The following KCNH1 variants were observed in gnomAD, a reference collection of about 807,000 sequenced individuals.
KCNH1 encodes potassium voltage-gated channel subfamily H member 1.
In KCNH1, 27 loss-of-function variants were observed where a neutral mutation model predicts 69.2. That is an observed-to-expected ratio of 0.39 (90% CI 0.29 to 0.54). The LOEUF (loss-of-function observed/expected upper bound fraction) is 0.54. KCNH1 is among the 20% of genes least tolerant of loss of function. The probability of loss-of-function intolerance (pLI) is 0.68; values close to 1 mark genes in which losing one functional copy is unlikely to be tolerated. For synonymous variants in KCNH1, 456 were observed against 487.7 expected, an observed-to-expected ratio of 0.93 and a Z score of 0.86; for missense variants, 798 against 1,261.6, an observed-to-expected ratio of 0.63 and a Z score of 5.57.
At chr1:210,753,998 C>CCGCTATCTTGGCTCACTGCAAGCT (rs1558455563) in intron 10 of KCNH1, among the ~76,000 whole-genome samples, 1 of 151,364 alleles carries the variant, frequency 6.6e-6, no homozygotes. Context: ...CACTGCAAGC[C>CCGCTATCTTGGCTCACTGCAAGCT]CCGCCTCCTG....
At chr1:211,045,047 T>TATATATATATATATATATATTC (rs1553374048) in intron 5 of KCNH1, among the ~76,000 whole-genome samples, 4 of 128,150 alleles carry the variant, frequency 3.1e-5, no homozygotes, top group Non-Finnish European at 1.7e-5. Flanking sequence ...GGGGGATATA[T>TATATATATATATATATATATTC]ATATATATAT....
At chr1:211,060,740 A>T (rs1481055094) in intron 5 of KCNH1, among the ~76,000 whole-genome samples, 1 of 152,154 alleles carries the variant, frequency 6.6e-6, no homozygotes, top group Non-Finnish European at 1.5e-5. Context: ...AGACATATAC[A>T]ACCTACCAAG....
chr1:211,104,197 A>G (rs1691313667), intron 2 of KCNH1, among the ~76,000 whole-genome samples: 1 of 150,020 alleles, frequency 6.7e-6, no homozygotes, highest in East Asian at 1.9e-4. Flanking sequence ...AGACCACGGC[A>G]TTATAAGCCA....
At chr1:211,106,738 T>C (rs1364960164) in intron 2 of KCNH1, among the ~76,000 whole-genome samples, 1 of 150,372 alleles carries the variant, frequency 6.7e-6, no homozygotes, top group Non-Finnish European at 1.5e-5. Flanking sequence ...GAGGCTGCAG[T>C]GAGCCAAGAT....
chr1:210,766,329 C>T (rs1434805201), intron 10 of KCNH1, among the ~76,000 whole-genome samples: 3 of 152,146 alleles, frequency 2.0e-5, no homozygotes, highest in Non-Finnish European at 4.4e-5. Flanking sequence ...AGTTTGAGAC[C>T]GGCCTGGCCA....
At chr1:210,809,021 T>A (rs976974325) in intron 7 of KCNH1, among the ~76,000 whole-genome samples, 39 of 152,154 alleles carry the variant, frequency 2.6e-4, no homozygotes, top group African/African-American at 9.4e-4. Flanking sequence ...CAAGGCAAAA[T>A]GCTGATTTGG....
intron 10 of KCNH1, among the ~76,000 whole-genome samples, chr1:210,712,900 T>G (rs1682113392): frequency 6.6e-6 from 1 of 152,156 alleles, no homozygotes; most frequent in Non-Finnish European, 1.5e-5. Context: ...ACAGTTGCCT[T>G]TCCCCACCCC....
intron 6 of KCNH1, among the ~76,000 whole-genome samples, chr1:211,010,033 G>A (rs1689364443): frequency 6.6e-6 from 1 of 152,204 alleles, no homozygotes; most frequent in African/African-American, 2.4e-5. Flanking sequence ...CCTTGTTGGA[G>A]AACACAGCCT....
intron 6 of KCNH1, among the ~76,000 whole-genome samples, chr1:210,948,059 A>G: frequency 6.7e-6 from 1 of 150,254 alleles, no homozygotes; most frequent in South Asian, 2.1e-4. Context: ...AAAAAAAAAA[A>G]GGAAAAAATT....
chr1:210,873,451 G>A (rs1304919753), intron 7 of KCNH1, among the ~76,000 whole-genome samples: 1 of 152,144 alleles, frequency 6.6e-6, no homozygotes, highest in Non-Finnish European at 1.5e-5. Context: ...GGGCTCAAGT[G>A]ATTCTCTCTC....
intron 6 of KCNH1, among the ~76,000 whole-genome samples, chr1:211,014,091 G>T (rs1488284038): frequency 1.3e-5 from 2 of 152,170 alleles, no homozygotes; most frequent in Non-Finnish European, 2.9e-5. Context: ...ATAGAAAAAA[G>T]CTCTTGGCCA....
chr1:210,864,010 C>A (rs970837557), intron 7 of KCNH1, among the ~76,000 whole-genome samples: 7 of 152,224 alleles, frequency 4.6e-5, no homozygotes, highest in African/African-American at 7.2e-5. Context: ...CAGGTGCCAA[C>A]TGGATCAGTG....
intron 7 of KCNH1, among the ~76,000 whole-genome samples, chr1:210,856,801 T>TTA (rs1286616243): frequency 1.6e-4 from 17 of 105,412 alleles, no homozygotes; most frequent in South Asian, 1.0e-3. Context: ...ATATTTATAT[T>TTA]TATATATATA....
At chr1:210,813,004 A>C (rs1423808166) in intron 7 of KCNH1, among the ~76,000 whole-genome samples, 7 of 152,206 alleles carry the variant, frequency 4.6e-5, no homozygotes, top group African/African-American at 1.4e-4. Context: ...CAATCTAATA[A>C]AAAGAGAAAT....
intron 5 of KCNH1, among the ~76,000 whole-genome samples, chr1:211,078,198 TAGAC>T (rs1422490500): frequency 5.9e-5 from 9 of 152,296 alleles, no homozygotes; most frequent in Admixed American, 2.0e-4. Flanking sequence ...CTGTCAATAT[TAGAC>T]AGATCAATGA....
intron 5 of KCNH1, among the ~76,000 whole-genome samples, chr1:211,042,960 G>A (rs1690025539): frequency 1.3e-5 from 2 of 152,106 alleles, no homozygotes; most frequent in Non-Finnish European, 2.9e-5. Flanking sequence ...TGCAGCAAAG[G>A]TGGTGCTAGA....
At chr1:210,913,769 C>T (rs1178324301) in intron 7 of KCNH1, among the ~76,000 whole-genome samples, 2 of 152,158 alleles carry the variant, frequency 1.3e-5, no homozygotes, top group Non-Finnish European at 2.9e-5. Flanking sequence ...ATCAGTTTTC[C>T]TTGCATATAT....
intron 6 of KCNH1, among the ~76,000 whole-genome samples, chr1:210,932,517 A>G (rs1291449282): frequency 6.9e-6 from 1 of 145,642 alleles, no homozygotes. Context: ...TATCAATAAT[A>G]ACCTTTAATG....
At chr1:210,824,455 T>A (rs1448243924) in intron 7 of KCNH1, among the ~76,000 whole-genome samples, 1 of 152,128 alleles carries the variant, frequency 6.6e-6, no homozygotes, top group African/African-American at 2.4e-5. Flanking sequence ...ACATAGTTTA[T>A]GGAAATAATG....
Sources: allele counts gnomAD v4.1 joint callset (sites outside exome capture counted in the v4.1 genomes callset), GRCh38; gene constraint gnomAD v4.1.1; transcripts MANE v1.5; gene names NCBI Gene and HGNC (gene_info 2026-07-23, HGNC 2026-07-21).